Variants in PLA2G15 observed in about 807,000 individuals in gnomAD.
PLA2G15 encodes phospholipase A2 group XV.
PLA2G15 carries 20 observed loss-of-function variants against 40.9 expected under a neutral mutation model. The ratio of observed to expected loss-of-function variants is 0.49; its 90% CI spans 0.34 to 0.71. The LOEUF (loss-of-function observed/expected upper bound fraction) is 0.71, where lower values mean the gene tolerates loss of function less well. PLA2G15 is among the 30% of genes least tolerant of loss of function. The pLI, the probability that PLA2G15 is intolerant of heterozygous loss-of-function variation, is 0.01. For synonymous variants in PLA2G15, 223 were observed against 228.2 expected, an observed-to-expected ratio of 0.98 and a Z score of 0.21; for missense variants, 471 against 541.9, an observed-to-expected ratio of 0.87 and a Z score of 1.30.
chr16:68,259,466 C>A lies in PLA2G15; in HGVS notation c.1048C>A (p.Arg350Ser). The A allele has an allele frequency of 6.2e-7, 1 of 1,613,554 alleles. No homozygotes were observed. Among genetic ancestry groups the A allele is most frequent in the Non-Finnish European group, 8.5e-7 (1 of 1,180,004 alleles). The stretch of plus-strand genomic sequence containing the variant: ...CTTCTACTATGAGAGCTTCCCTGAC[C>A]GTGACCCTAAAATCTGCTTTGGTGA... ...DSFYYESFPD[R>S]DPKICFGDGD... The change falls in exon 6 of 6, where the codon CGT becomes AGT. Residue 350 changes from arginine to serine, a missense_variant. Physicochemically the swap from Arg to Ser is moderately radical, Grantham distance 110. Transcript: ENST00000219345. The surrounding 1 kb of genome is among the most constrained non-coding windows in gnomAD (Gnocchi z 6.5).
At chr16:68,246,294 C>A (rs1292842432) in intron 1 of PLA2G15, among the ~76,000 whole-genome samples, 2 of 152,194 alleles carry the variant, frequency 1.3e-5, no homozygotes, top group African/African-American at 4.8e-5. Flanking sequence ...CACTGTATTT[C>A]CTTGCAGGGA....
chr16:68,259,416 G>T lies in PLA2G15; in HGVS notation c.998G>T (p.Gly333Val). 6.2e-7 allele frequency: 1 copy of T among 1,613,964 alleles called. No homozygotes were observed. Among genetic ancestry groups the T allele is most frequent in the Middle Eastern group, 1.6e-4 (1 of 6,062 alleles). The change falls in exon 6 of 6, where the codon GGT (glycine) becomes GTT (valine). Residue 333 changes from glycine to valine, a missense_variant. Coordinates refer to ENST00000219345, the MANE Select transcript of PLA2G15 (RefSeq NM_012320.4). This position sits in a 1 kb window ranked among gnomAD's most constrained non-coding sequence, Gnocchi z 6.5. ...PPGVQLHCLYGTGVPTPDSFY... is the reference protein window; with the variant it reads ...PPGVQLHCLYVTGVPTPDSFY... ...GGCGTGCAGCTGCACTGCCTCTATG[G>T]TACTGGCGTCCCCACACCAGACTCC...
intron 2 of PLA2G15, chr16:68,250,243 C>T (rs1489172009): frequency 6.4e-5 from 21 of 328,142 alleles, no homozygotes; most frequent in Non-Finnish European, 1.1e-4. Flanking sequence ...TGCAATGGCG[C>T]GATCTCGGCT....
Position 68,259,123 on chromosome 16 carries a change from T to C in PLA2G15, c.728-23T>C. 6.3e-7 allele frequency: 1 copy of C among 1,592,768 alleles called. No individual in the cohort carries two copies. The highest frequency in any genetic ancestry group is 8.6e-7 in the Non-Finnish European group (1 of 1,169,554). ...CCAGCTGGCATTCCTAAGCACAGAC[T>C]GACCAGAGCCTTCTCCCTGCAGGAG... On this transcript the variant is annotated intron_variant, in intron 5 of 5. Transcript: ENST00000219345. The surrounding 1 kb of genome is among the most constrained non-coding windows in gnomAD (Gnocchi z 6.5).
In PLA2G15 at chr16:68,259,794, T is replaced by C. The variant is rs527859101; in HGVS notation, c.*137T>C. The C allele has an allele frequency of 2.2e-5, 16 of 730,008 alleles. No individual in the cohort carries two copies. The highest frequency in any genetic ancestry group is 7.3e-5 in the South Asian group (4 of 54,836). The allele number at this position is 730,008 out of a possible 1,614,324, so 45.2% of individuals were successfully genotyped here. ...GTCTTGGACTGTGAAGCATCTGCCA[T>C]GGGGAAGTGCTGTTTGTTATCCTTT... On this transcript the variant is annotated 3_prime_UTR_variant, in exon 6 of 6. Coordinates refer to ENST00000219345, the MANE Select transcript of PLA2G15 (RefSeq NM_012320.4). This position sits in a 1 kb window ranked among gnomAD's most constrained non-coding sequence, Gnocchi z 6.5.
In PLA2G15 at chr16:68,259,913, A is replaced by AGGACTGGCTCCACAGGGT; in HGVS notation, c.*266_*283dup. 1.9e-6 allele frequency: 1 copy of AGGACTGGCTCCACAGGGT among 538,906 alleles called. No individual in the cohort carries two copies. The highest frequency in any genetic ancestry group is 2.2e-5 in the South Asian group (1 of 46,398). The allele number at this position is 538,906 out of a possible 1,614,324, so 33.4% of individuals were successfully genotyped here. A position where few individuals can be genotyped will look rare whatever the true frequency, so the allele number is the denominator to read the frequency against. On this transcript the variant is annotated 3_prime_UTR_variant, in exon 6 of 6. Coordinates refer to ENST00000219345, the MANE Select transcript of PLA2G15 (RefSeq NM_012320.4). This position sits in a 1 kb window ranked among gnomAD's most constrained non-coding sequence, Gnocchi z 6.5. ...CTGATGGTGGAACTGCTGTGACCTT[A>AGGACTGGCTCCACAGGGT]GGACTGGCTCCACAGGGTGGACTGG...
Position 68,255,672 on chromosome 16 carries a change from TC to T in PLA2G15, c.503-89del. The T allele has an allele frequency of 9.8e-7, 1 of 1,023,958 alleles. No individual in the cohort carries two copies. The highest frequency in any genetic ancestry group is 1.8e-5 in the Admixed American group (1 of 55,086). The allele number at this position is 1,023,958 out of a possible 1,614,324, so 63.4% of individuals were successfully genotyped here. A position where few individuals can be genotyped will look rare whatever the true frequency, so the allele number is the denominator to read the frequency against. On this transcript the variant is annotated intron_variant, in intron 4 of 5. Transcript: ENST00000219345. The surrounding 1 kb of genome is among the most constrained non-coding windows in gnomAD (Gnocchi z 5.9). ...CTGTTTGAATGTGAGCACCCTCCCC[TC>T]CCCCTCTCGTCTTGTGTCTGGCCTG...
chr16:68,254,861 G>C, intron 2 of PLA2G15, 58 bp from the exon 3 acceptor site: 2 of 1,058,846 alleles, frequency 1.9e-6, no homozygotes, highest in Non-Finnish European at 2.9e-6. Flanking sequence ...TGCACTGTTG[G>C]GACACACCAA....
chr16:68,259,599 AG>A lies in PLA2G15; in HGVS notation c.1182del (p.Met395CysfsTer11). 1 of 1,613,354 alleles carries A rather than the reference AG, an allele frequency of 6.2e-7. No individual in the cohort carries two copies. Among genetic ancestry groups the A allele is most frequent in the Non-Finnish European group, 8.5e-7 (1 of 1,180,008 alleles). On this transcript the variant is annotated frameshift_variant, in exon 6 of 6. Transcript: ENST00000219345. LOFTEE classifies it high-confidence loss of function. The surrounding 1 kb of genome is among the most constrained non-coding windows in gnomAD (Gnocchi z 6.5). ...GAGCTGCCAGGCAGCGAGCACATCG[AG>A]ATGCTGGCCAACGCCACCACCCTGG... is the stretch of plus-strand genomic sequence containing the variant. The part of the protein sequence containing the change: ...LQELPGSEHI[E>X]MLANATTLAY...
chr16:68,249,385 A>G lies in PLA2G15; in HGVS notation c.223A>G (p.Ile75Val), dbSNP rs1435697637. ...CSKKTESYFT[I>V]WLNLELLLPV... ...CAAGAAGACCGAAAGCTACTTCACA[A>G]TCTGGCTGAACCTGGAACTGCTGCT... The change falls in exon 2 of 6, where the codon ATC becomes GTC. Residue 75 changes from isoleucine (I) to valine (V), a missense_variant. Ile to Val is a conservative substitution (Grantham distance 29). Transcript: ENST00000219345. 10 of 1,614,078 alleles carry G rather than the reference A, an allele frequency of 6.2e-6. No individual in the cohort carries two copies. In the East Asian group the frequency reaches 2.2e-4, roughly 36 times the overall value.
chr16:68,258,966 A>G (rs1053977898), intron 5 of PLA2G15, 180 bp from the exon 6 acceptor site: 22 of 581,038 alleles, frequency 3.8e-5, no homozygotes, highest in South Asian at 3.3e-4. Flanking sequence ...TCTCAAAAAG[A>G]AAAAAAAAGA....
chr16:68,256,659 C>T (rs778521258), intron 5 of PLA2G15, among the ~76,000 whole-genome samples: 5 of 151,684 alleles, frequency 3.3e-5, no homozygotes, highest in African/African-American at 7.3e-5. Flanking sequence ...TACAGGTGCC[C>T]GCCACCATGC....
chr16:68,255,798 G>C lies in PLA2G15; in HGVS notation c.535G>C (p.Glu179Gln). The change falls in exon 5 of 6, where the codon GAG becomes CAG. Residue 179 changes from glutamate to glutamine, a missense_variant. Glu to Gln is a conservative substitution (Grantham distance 29). Transcript: ENST00000219345. The surrounding 1 kb of genome is among the most constrained non-coding windows in gnomAD (Gnocchi z 5.9). ...ENGPYFLALR[E>Q]MIEEMYQLYG... ...CGGGCCCTACTTCCTGGCCCTCCGC[G>C]AGATGATCGAGGAGATGTACCAGCT... is the stretch of plus-strand genomic sequence containing the variant. 2 of 1,614,146 alleles carry C rather than the reference G, an allele frequency of 1.2e-6. No individual in the cohort carries two copies. The highest frequency in any genetic ancestry group is 1.7e-6 in the Non-Finnish European group (2 of 1,179,996).
At chr16:68,257,452 C>G (rs2042411349) in intron 5 of PLA2G15, among the ~76,000 whole-genome samples, 1 of 152,206 alleles carries the variant, frequency 6.6e-6, no homozygotes, top group Non-Finnish European at 1.5e-5. Context: ...ATTGGGAAAG[C>G]CACCCCTTTT....
At chr16:68,253,667 G>T in intron 2 of PLA2G15, 1 of 195,996 alleles carries the variant, frequency 5.1e-6, no homozygotes, top group Non-Finnish European at 1.1e-5. Context: ...GAGCCCCTGT[G>T]CCTGGCCTAG....
Position 68,259,177 on chromosome 16 carries a change from C to G in PLA2G15, c.759C>G (p.Pro253=). The change falls in exon 6 of 6, where the codon CCC becomes CCG. Residue 253 remains proline (P), a synonymous_variant. Coordinates refer to ENST00000219345, the MANE Select transcript of PLA2G15 (RefSeq NM_012320.4). This position sits in a 1 kb window ranked among gnomAD's most constrained non-coding sequence, Gnocchi z 6.5. ...GDNNRIPVIG[P]LKIREQQRSA... ...ACAACCGGATCCCAGTCATCGGGCCCCTGAAGATCCGGGAGCAGCAGCGGT... is the reference window on the plus strand; with the variant it reads ...ACAACCGGATCCCAGTCATCGGGCCGCTGAAGATCCGGGAGCAGCAGCGGT... The G allele has an allele frequency of 1.2e-6, 2 of 1,613,768 alleles. No homozygotes were observed. Among genetic ancestry groups the G allele is most frequent in the Non-Finnish European group, 1.7e-6 (2 of 1,179,944 alleles).
Position 68,254,817 on chromosome 16 carries a change from TG to T in PLA2G15, c.285-99del. ...TCTCTCCTATCCATCTGACCAAACC[TG>T]GGCATGAGAAGGGAGTATGACTCAG... On this transcript the variant is annotated intron_variant, in intron 2 of 5. Coordinates refer to ENST00000219345, the MANE Select transcript of PLA2G15 (RefSeq NM_012320.4). 5.4e-6 allele frequency: 4 copies of T among 746,456 alleles called. No individual in the cohort carries two copies. The Middle Eastern group carries it at 1.1e-3, about 211-fold the overall frequency. The allele number at this position is 746,456 out of a possible 1,614,324, so 46.2% of individuals were successfully genotyped here.
In PLA2G15 at chr16:68,255,163, A is replaced by G; in HGVS notation, c.404-119A>G. The G allele has an allele frequency of 1.0e-6, 1 of 981,624 alleles. No homozygotes were observed. The highest frequency in any genetic ancestry group is 1.3e-5 in the South Asian group (1 of 75,722). 60.8% of individuals were successfully genotyped at this position (981,624 alleles called of 1,614,324 possible). ...TGAGCTGTCTCTGATCAGCGTGGGC[A>G]CAGAGCCCTGTAGCATTCTTCCAAG... On this transcript the variant is annotated intron_variant, in intron 3 of 5. Coordinates refer to ENST00000219345, the MANE Select transcript of PLA2G15 (RefSeq NM_012320.4). This position sits in a 1 kb window ranked among gnomAD's most constrained non-coding sequence, Gnocchi z 5.9.
At position 68,255,053 on chromosome 16, in the gene PLA2G15, T is replaced by G. The variant is rs2042389384; in HGVS notation, c.403+16T>G. 6.6e-7 allele frequency: 1 copy of G among 1,523,218 alleles called. No homozygotes were observed. Among genetic ancestry groups the G allele is most frequent in the Non-Finnish European group, 9.1e-7 (1 of 1,097,410 alleles). 94.4% of individuals were successfully genotyped at this position (1,523,218 alleles called of 1,614,324 possible). A position where few individuals can be genotyped will look rare whatever the true frequency, so the allele number is the denominator to read the frequency against. ...AGCAGCGTGGGTATGTAGCCCTTACTCAAGGCCTCCGGGAGCTGGGATGGG... is the reference window on the plus strand; with the variant it reads ...AGCAGCGTGGGTATGTAGCCCTTACGCAAGGCCTCCGGGAGCTGGGATGGG... On this transcript the variant is annotated intron_variant, in intron 3 of 5. Coordinates refer to ENST00000219345, the MANE Select transcript of PLA2G15 (RefSeq NM_012320.4). The surrounding 1 kb of genome is among the most constrained non-coding windows in gnomAD (Gnocchi z 5.9).
Sources: allele counts gnomAD v4.1 joint callset (sites outside exome capture counted in the v4.1 genomes callset), GRCh38; gene constraint gnomAD v4.1.1; non-coding constraint Gnocchi (gnomAD v3.1); transcripts MANE v1.5; gene names NCBI Gene and HGNC (gene_info 2026-07-23, HGNC 2026-07-21).